NBAS: variants seen among roughly 807,000 people sequenced by gnomAD.
NBAS encodes NAG/BC035112 fusion.
NBAS carries 219 observed loss-of-function variants against 302.5 expected under a neutral mutation model. The ratio of observed to expected loss-of-function variants is 0.72; its 90% CI spans 0.65 to 0.81. The LOEUF (loss-of-function observed/expected upper bound fraction) is 0.81. NBAS is among the 30% of genes least tolerant of loss of function. NBAS has a pLI of 0.00. For synonymous variants in NBAS, 1,118 were observed against 1,021.6 expected (o/e 1.09, Z -1.80); for missense variants, 2,932 against 2,841.6 (o/e 1.03, Z -0.72).
At chr2:15,009,673 T>C in the NBAS span, among the ~76,000 whole-genome samples, 1 of 126,468 alleles carries the variant, frequency 7.9e-6, no homozygotes, top group Non-Finnish European at 1.6e-5. Context: ...CATATATATA[T>C]ACATATATAT....
At chr2:15,300,341 C>T (rs1461200842) in intron 40 of NBAS, among the ~76,000 whole-genome samples, 1 of 152,152 alleles carries the variant, frequency 6.6e-6, no homozygotes, top group Non-Finnish European at 1.5e-5. Context: ...AAATTGAAAC[C>T]ACTTTGATTT....
the NBAS span, among the ~76,000 whole-genome samples, chr2:15,027,741 G>A: frequency 1.1e-4 from 17 of 152,066 alleles, no homozygotes; most frequent in Admixed American, 5.9e-4. Flanking sequence ...TTAGGATAAC[G>A]TTTACCACTG....
At chr2:14,945,749 A>G in the NBAS span, among the ~76,000 whole-genome samples, 1 of 152,182 alleles carries the variant, frequency 6.6e-6, no homozygotes, top group East Asian at 1.9e-4. Flanking sequence ...GAGGAGAAAA[A>G]AGAAAAGGAA....
At chr2:15,496,079 C>T (rs1400377498) in intron 11 of NBAS, among the ~76,000 whole-genome samples, 95 of 141,308 alleles carry the variant, frequency 6.7e-4, no homozygotes, top group African/African-American at 2.5e-3. Context: ...TATATACACA[C>T]ACACATACAT....
intron 21 of NBAS, among the ~76,000 whole-genome samples, chr2:15,441,845 G>A (rs1678429867): frequency 2.6e-5 from 4 of 151,806 alleles, no homozygotes; most frequent in Admixed American, 2.6e-4. Flanking sequence ...AAAAAAGGCA[G>A]GGGTTGCAAT....
the NBAS span, among the ~76,000 whole-genome samples, chr2:14,780,654 C>T: frequency 6.6e-6 from 1 of 152,180 alleles, no homozygotes; most frequent in Non-Finnish European, 1.5e-5. Flanking sequence ...AGGGGATGAA[C>T]CATTCTGTTT....
intron 9 of NBAS, among the ~76,000 whole-genome samples, chr2:15,527,823 A>G (rs148415572): frequency 1.1e-4 from 17 of 152,330 alleles, no homozygotes; most frequent in East Asian, 1.9e-4. Flanking sequence ...GCAGTAACAT[A>G]TAAGATAATG....
chr2:15,211,936 G>A (rs1666431005), intron 48 of NBAS, among the ~76,000 whole-genome samples: 1 of 152,174 alleles, frequency 6.6e-6, no homozygotes, highest in Non-Finnish European at 1.5e-5. Flanking sequence ...GCATTCTTCA[G>A]AATTAAAACA....
the NBAS span, among the ~76,000 whole-genome samples, chr2:15,160,585 C>CGGGGGGGG: frequency 3.3e-5 from 3 of 92,296 alleles, no homozygotes; most frequent in South Asian, 4.1e-4. Flanking sequence ...CCAGTGTGGG[C>CGGGGGGGG]GGGGGGAGGG....
intron 25 of NBAS, among the ~76,000 whole-genome samples, chr2:15,404,215 G>A (rs1401312579): frequency 6.6e-6 from 1 of 152,148 alleles, no homozygotes; most frequent in Non-Finnish European, 1.5e-5. Flanking sequence ...GAGCTAATAA[G>A]TGGTAAAGCC....
chr2:14,855,943 G>T, the NBAS span, among the ~76,000 whole-genome samples: 1 of 152,288 alleles, frequency 6.6e-6, no homozygotes, highest in Middle Eastern at 3.4e-3. Flanking sequence ...AGCAGGGAGT[G>T]GTTACAGCAG....
the NBAS span, among the ~76,000 whole-genome samples, chr2:15,099,834 C>T: frequency 6.6e-6 from 1 of 152,006 alleles, no homozygotes; most frequent in Non-Finnish European, 1.5e-5. Context: ...AGTAATATGG[C>T]TGAATTACAC....
chr2:15,140,876 G>A, the NBAS span, among the ~76,000 whole-genome samples: 1 of 152,238 alleles, frequency 6.6e-6, no homozygotes, highest in East Asian at 1.9e-4. Flanking sequence ...TTCATAATAA[G>A]GTTGAACATA....
chr2:15,219,303 A>ATTTTTTTTTTTTT, intron 47 of NBAS, among the ~76,000 whole-genome samples: 1 of 144,120 alleles, frequency 6.9e-6, no homozygotes, highest in Admixed American at 6.9e-5. Context: ...CATTCTAGTA[A>ATTTTTTTTTTTTT]TTTTTTTTTT....
Position 15,489,002 on chromosome 2 carries a change from G to C in NBAS, c.975C>G (p.Ser325Arg). Reference sequence around the variant, plus strand: ...CCAGGAGCATCCCATCTGGAGAAAGGCTCATCTTAAAAATTCCATCCTAAA... The same window carrying C: ...CCAGGAGCATCCCATCTGGAGAAAGCCTCATCTTAAAAATTCCATCCTAAA... ...GQEQDGIFKM[S>R]LSPDGMLLAA... Residue 325 changes from serine to arginine, a missense_variant, in exon 12 of 52, where the codon AGC becomes AGG. Transcript: ENST00000281513. 1 of 1,613,528 alleles carries C rather than the reference G, an allele frequency of 6.2e-7. No homozygotes were observed. The highest frequency in any genetic ancestry group is 8.5e-7 in the Non-Finnish European group (1 of 1,179,674).
intron 16 of NBAS, among the ~76,000 whole-genome samples, chr2:15,469,565 T>C (rs1679868849): frequency 6.6e-6 from 1 of 152,108 alleles, no homozygotes. Context: ...CTACTCACAA[T>C]AGCAAAGACT....
At position 15,445,174 on chromosome 2, in the gene NBAS, G is replaced by T. The variant is rs373100422; in HGVS notation, c.2339+16027C>A. On this transcript the variant is annotated intron_variant, in intron 21 of 51. Transcript: ENST00000281513. ...TACTGGGTATATACCCAAAGGACTAGAAATCATGCTGCTATAAAGACACAT... is the reference window on the plus strand; with the variant it reads ...TACTGGGTATATACCCAAAGGACTATAAATCATGCTGCTATAAAGACACAT... Among the ~76,000 whole-genome samples the T allele has an allele frequency of 2.5e-3, 374 of 149,486 alleles. 2 individuals carry two copies. Among genetic ancestry groups the T allele is most frequent in the East Asian group, 0.016 (78 of 4,848 alleles).
At chr2:15,042,432 G>A in the NBAS span, among the ~76,000 whole-genome samples, 1,429 of 151,934 alleles carry the variant, frequency 9.4e-3, 25 homozygotes, top group African/African-American at 0.033. Context: ...AAACAAAATC[G>A]ATCCAGGAAA....
At chr2:14,932,020 T>C in the NBAS span, among the ~76,000 whole-genome samples, 1 of 152,344 alleles carries the variant, frequency 6.6e-6, no homozygotes, top group Non-Finnish European at 1.5e-5. Context: ...TGAAGTGTTT[T>C]AGGATTATAC....
Sources: gnomAD v4.1 joint callset for allele counts (sites outside exome capture counted in the v4.1 genomes callset) on GRCh38, gnomAD v4.1.1 for gene constraint, MANE v1.5 for transcripts, NCBI Gene and HGNC (gene_info 2026-07-23, HGNC 2026-07-21) for gene names.